The following PRKG1 variants were observed in gnomAD, a reference collection of about 807,000 sequenced individuals.
PRKG1 encodes the protein protein kinase cGMP-dependent 1, also known as cGMP-dependent protein kinase 1.
Under a neutral mutation model 88.1 loss-of-function variants are expected in PRKG1, and 35 were observed. That is an observed-to-expected ratio of 0.40 (90% CI 0.30 to 0.53). The LOEUF (loss-of-function observed/expected upper bound fraction) is 0.53, where lower values mean the gene tolerates loss of function less well. Among genes scored for constraint, PRKG1 ranks in the 20% least tolerant of loss-of-function variants. The probability of loss-of-function intolerance (pLI) is 0.59; values close to 1 mark genes in which losing one functional copy is unlikely to be tolerated. For synonymous variants in PRKG1, 303 were observed against 292.5 expected (o/e 1.04, Z -0.37); for missense variants, 540 against 839.8 (o/e 0.64, Z 4.41).
At chr10:51,988,043 T>C (rs181199299) in intron 5 of PRKG1, among the ~76,000 whole-genome samples, 13 of 152,186 alleles carry the variant, frequency 8.5e-5, no homozygotes, top group Admixed American at 1.3e-4. Flanking sequence ...TTCAAATCTC[T>C]CTTTTGCCTT....
chr10:51,245,168 C>T (rs1365315147), intron 2 of PRKG1: 2 of 151,992 alleles, frequency 1.3e-5, no homozygotes, highest in Non-Finnish European at 2.9e-5. Context: ...ATAAGACAGC[C>T]CATAAGACAT....
chr10:51,641,588 A>G (rs2080233897), intron 3 of PRKG1, among the ~76,000 whole-genome samples: 1 of 152,076 alleles, frequency 6.6e-6, no homozygotes, highest in African/African-American at 2.4e-5. Context: ...GGCAATGGGC[A>G]TTCTTTCTTA....
chr10:51,080,489 C>T (rs1174528687), intron 1 of PRKG1, among the ~76,000 whole-genome samples: 1 of 152,052 alleles, frequency 6.6e-6, no homozygotes, highest in East Asian at 1.9e-4. Flanking sequence ...ATCCTAGCAA[C>T]CATATTCGAA....
chr10:51,546,031 GT>G (rs1842437310), intron 3 of PRKG1, among the ~76,000 whole-genome samples: 1 of 146,740 alleles, frequency 6.8e-6, no homozygotes, highest in Non-Finnish European at 1.5e-5. Context: ...AAATTATTCT[GT>G]TTTGTGCTTT....
rs1842083220 is a variant in PRKG1, at chr10:51,534,132, C to A, written c.592+66296C>A. 2.6e-5 allele frequency among the ~76,000 whole-genome samples: 4 copies of A among 152,048 alleles called. No individual in the cohort carries two copies. The South Asian group carries it at 8.3e-4, about 32-fold the overall frequency. On this transcript the variant is annotated intron_variant, in intron 3 of 17. Coordinates refer to ENST00000373980, the MANE Select transcript of PRKG1 (RefSeq NM_006258.4). The stretch of plus-strand genomic sequence containing the variant: ...CAATCCTAGTAGGCTCATAAAATCC[C>A]TTATGAATAAGACTGAGAAGGGGAT...
intron 3 of PRKG1, among the ~76,000 whole-genome samples, chr10:51,474,221 G>T (rs1840131264): frequency 6.6e-6 from 1 of 151,956 alleles, no homozygotes. Flanking sequence ...TAACTAGTGA[G>T]AAGGAGGACC....
intron 2 of PRKG1, among the ~76,000 whole-genome samples, chr10:51,446,209 T>A (rs1194713631): frequency 6.6e-6 from 1 of 151,974 alleles, no homozygotes; most frequent in Non-Finnish European, 1.5e-5. Context: ...TGTAATGACG[T>A]ACATCCTAGA....
At chr10:52,178,678 G>A (rs558405395) in intron 9 of PRKG1, among the ~76,000 whole-genome samples, 2 of 151,884 alleles carry the variant, frequency 1.3e-5, no homozygotes, top group African/African-American at 4.8e-5. Context: ...GGGTGCTCTG[G>A]CATTAAATGC....
At chr10:51,829,175 C>T (rs941225002) in intron 4 of PRKG1, among the ~76,000 whole-genome samples, 5 of 152,188 alleles carry the variant, frequency 3.3e-5, no homozygotes, top group African/African-American at 1.2e-4. Flanking sequence ...GGATGCATTA[C>T]AATATGGCAG....
intron 3 of PRKG1, among the ~76,000 whole-genome samples, chr10:51,800,737 A>T (rs2132603422): frequency 6.6e-6 from 1 of 152,184 alleles, no homozygotes; most frequent in African/African-American, 2.4e-5. Flanking sequence ...CTTCTTGCTG[A>T]TGCCCCTATT....
At chr10:51,579,782 A>T (rs182143992) in intron 3 of PRKG1, among the ~76,000 whole-genome samples, 1 of 152,178 alleles carries the variant, frequency 6.6e-6, no homozygotes, top group Admixed American at 6.5e-5. Flanking sequence ...TTCTCCTATG[A>T]CTATTAGCAC....
chr10:51,263,525 T>C (rs1321916723), intron 2 of PRKG1, among the ~76,000 whole-genome samples: 1 of 152,178 alleles, frequency 6.6e-6, no homozygotes, highest in Non-Finnish European at 1.5e-5. Flanking sequence ...CTTGGGAAGG[T>C]ATTACTTATA....
At chr10:51,879,460 GA>G (rs1841382702) in intron 4 of PRKG1, among the ~76,000 whole-genome samples, 1 of 152,192 alleles carries the variant, frequency 6.6e-6, no homozygotes, top group South Asian at 2.1e-4. Flanking sequence ...GTTGTAGACA[GA>G]AGTATAAAGT....
intron 4 of PRKG1, among the ~76,000 whole-genome samples, chr10:51,905,345 T>C (rs1842063241): frequency 1.3e-5 from 2 of 152,288 alleles, no homozygotes; most frequent in South Asian, 2.1e-4. Flanking sequence ...CCCTAAGTAA[T>C]GGAAATCAAA....
At chr10:52,034,306 C>T (rs1434582162) in intron 5 of PRKG1, among the ~76,000 whole-genome samples, 1 of 134,960 alleles carries the variant, frequency 7.4e-6, no homozygotes, top group Non-Finnish European at 1.6e-5. Flanking sequence ...AGAGAATGGG[C>T]GATGTTTCTC....
intron 2 of PRKG1, among the ~76,000 whole-genome samples, chr10:51,465,044 G>A (rs188538274): frequency 5.1e-4 from 77 of 152,294 alleles, no homozygotes; most frequent in South Asian, 1.9e-3. Context: ...TTAATTGTCA[G>A]TAAATTGAAA....
rs112225470 is a variant in PRKG1, at chr10:51,852,672, C to T, written c.698+47982C>T. Among the ~76,000 whole-genome samples, 1,298 of 152,106 alleles carry T rather than the reference C, an allele frequency of 8.5e-3. 23 individuals carry two copies. Among genetic ancestry groups the T allele is most frequent in the African/African-American group, 0.029 (1,219 of 41,502 alleles). On this transcript the variant is annotated intron_variant, in intron 4 of 17. Transcript: ENST00000373980. ...CATATATAAGAATACTGCATATATACCATATAAATTAAAAATCCACCAGTT... is the reference window on the plus strand; with the variant it reads ...CATATATAAGAATACTGCATATATATCATATAAATTAAAAATCCACCAGTT...
intron 3 of PRKG1, among the ~76,000 whole-genome samples, chr10:51,494,269 A>T (rs972395505): frequency 2.6e-5 from 4 of 152,164 alleles, no homozygotes; most frequent in Non-Finnish European, 5.9e-5. Flanking sequence ...AACTAGAGTG[A>T]TTTCAAATCC....
intron 9 of PRKG1, among the ~76,000 whole-genome samples, chr10:52,193,079 G>A (rs1280620072): frequency 6.6e-6 from 1 of 152,010 alleles, no homozygotes. Flanking sequence ...AGCAACAAAG[G>A]CTCTAGTTTT....
Sources: allele counts gnomAD v4.1 joint callset (sites outside exome capture counted in the v4.1 genomes callset), GRCh38; gene constraint gnomAD v4.1.1; transcripts MANE v1.5; gene names NCBI Gene and HGNC (gene_info 2026-07-23, HGNC 2026-07-21).